CCBE1: variants seen among roughly 807,000 people sequenced by gnomAD.
CCBE1 encodes collagen and calcium binding EGF domains 1, also known as collagen and calcium-binding EGF domain-containing protein 1.
A neutral mutation model predicts 50.0 loss-of-function variants in CCBE1; 37 were observed. The ratio of observed to expected loss-of-function variants is 0.74; its 90% CI spans 0.57 to 0.97. The LOEUF is 0.97. CCBE1 is among the 50% of genes least tolerant of loss of function. The pLI is 0.00. For synonymous variants in CCBE1, 234 were observed against 203.7 expected, an observed-to-expected ratio of 1.15 and a Z score of -1.27; for missense variants, 538 against 523.8, an observed-to-expected ratio of 1.03 and a Z score of -0.26.
intron 2 of CCBE1, among the ~76,000 whole-genome samples, chr18:59,633,681 C>G (rs781442107): frequency 6.6e-6 from 1 of 151,268 alleles, no homozygotes; most frequent in Non-Finnish European, 1.5e-5. Flanking sequence ...GCCAACAGAA[C>G]GAAGCCAATC....
At chr18:59,620,475 T>C (rs1212250791) in intron 2 of CCBE1, among the ~76,000 whole-genome samples, 1 of 152,188 alleles carries the variant, frequency 6.6e-6, no homozygotes, top group Admixed American at 6.5e-5. Flanking sequence ...AGATTGTTTA[T>C]CCTAATACTA....
At chr18:59,529,563 G>A (rs1914967247) in intron 2 of CCBE1, among the ~76,000 whole-genome samples, 1 of 152,204 alleles carries the variant, frequency 6.6e-6, no homozygotes, top group Non-Finnish European at 1.5e-5. Flanking sequence ...GGGGAGGGTA[G>A]CAATGTCACT....
intron 3 of CCBE1, among the ~76,000 whole-genome samples, chr18:59,473,809 A>C (rs1912170061): frequency 1.1e-5 from 1 of 90,054 alleles, no homozygotes; most frequent in Non-Finnish European, 2.1e-5. Flanking sequence ...CAACCCTCCC[A>C]CTATTCCCCC....
chr18:59,507,176 A>G lies in CCBE1; in HGVS notation c.213-26938T>C, dbSNP rs189958233. On this transcript the variant is annotated intron_variant, in intron 2 of 10. Transcript: ENST00000439986. Reference sequence around the variant, plus strand: ...TCAACCATATCTTCTTTCCAAAACCAACATCCTCCTTGCAATTGCTCATCT... The same window carrying G: ...TCAACCATATCTTCTTTCCAAAACCGACATCCTCCTTGCAATTGCTCATCT... Among the ~76,000 whole-genome samples, 18 of 152,278 alleles carry G rather than the reference A, an allele frequency of 1.2e-4. 1 individual carries two copies. The highest frequency in any genetic ancestry group is 3.4e-3 in the Middle Eastern group (1 of 294).
At position 59,582,974 on chromosome 18, in the gene CCBE1, G is replaced by A. The variant is rs1568217974; in HGVS notation, c.213-102736C>T. 2.0e-5 allele frequency among the ~76,000 whole-genome samples: 3 copies of A among 152,136 alleles called. 1 individual carries two copies. Among genetic ancestry groups the A allele is most frequent in the Non-Finnish European group, 1.5e-5 (1 of 68,006 alleles). On this transcript the variant is annotated intron_variant, in intron 2 of 10. Coordinates refer to ENST00000439986, the MANE Select transcript of CCBE1 (RefSeq NM_133459.4). ...ACTGACCACAGGCATGTACCACCAT[G>A]CCCAACTAAATAAAAAAAATTTTCT... is the stretch of plus-strand genomic sequence containing the variant.
chr18:59,592,598 A>G (rs1017553994), intron 2 of CCBE1, among the ~76,000 whole-genome samples: 2 of 151,618 alleles, frequency 1.3e-5, no homozygotes, highest in Non-Finnish European at 2.9e-5. Context: ...TTACTATAAT[A>G]AAGGGGACAA....
intron 2 of CCBE1, among the ~76,000 whole-genome samples, chr18:59,552,108 A>G (rs558683689): frequency 1.4e-3 from 211 of 152,286 alleles, no homozygotes; most frequent in African/African-American, 4.9e-3. Context: ...GCCCTTCTCC[A>G]TGGGCCTCTC....
chr18:59,633,744 TA>T (rs1555700923), intron 2 of CCBE1, among the ~76,000 whole-genome samples: 1 of 151,582 alleles, frequency 6.6e-6, no homozygotes, highest in African/African-American at 2.4e-5. Context: ...TTTTTTTTTT[TA>T]AAATAAAACC....
chr18:59,572,652 C>T (rs1217432257), intron 2 of CCBE1, among the ~76,000 whole-genome samples: 2 of 152,134 alleles, frequency 1.3e-5, no homozygotes, highest in Non-Finnish European at 2.9e-5. Flanking sequence ...GCCTTATTCC[C>T]TTTCAAAGTT....
chr18:59,696,723 C>A lies in CCBE1; in HGVS notation c.132-14G>T, dbSNP rs374979919. ...GAGCAGATTTCTCTATGAAAAAGTG[C>A]AGAGGAAATGTTCGATTCTCAGCGG... On this transcript the variant is annotated splice_polypyrimidine_tract_variant and intron_variant, in intron 1 of 10. Coordinates refer to ENST00000439986, the MANE Select transcript of CCBE1 (RefSeq NM_133459.4). 3 of 1,613,146 alleles carry A rather than the reference C, an allele frequency of 1.9e-6. No homozygotes were observed. In the South Asian group the frequency reaches 3.3e-5, roughly 18 times the overall value.
intron 2 of CCBE1, among the ~76,000 whole-genome samples, chr18:59,682,663 G>A (rs1367176471): frequency 1.3e-5 from 2 of 152,136 alleles, no homozygotes; most frequent in African/African-American, 2.4e-5. Flanking sequence ...GCTATTAACT[G>A]AAAAAAAGCA....
Position 59,466,820 on chromosome 18 carries a change from G to A in CCBE1, c.472C>T (p.Arg158Cys), listed in dbSNP as rs121908253. 2.1e-4 allele frequency: 344 copies of A among 1,613,426 alleles called. No homozygotes were observed. The highest frequency in any genetic ancestry group is 3.1e-4 in the South Asian group (28 of 91,054). ...HICINTLGSY[R>C]CECREGYIRE... ...ATGTAGCCTTCCCGGCACTCGCAGCGGTAGCTGCCCAAGGTATTGATGCAG... is the reference window on the plus strand; with the variant it reads ...ATGTAGCCTTCCCGGCACTCGCAGCAGTAGCTGCCCAAGGTATTGATGCAG... The change falls in exon 5 of 11, where the codon CGC becomes TGC. Residue 158 changes from arginine to cysteine, a missense_variant. Physicochemically the swap from Arg to Cys is radical, Grantham distance 180 (BLOSUM62 -3). Transcript: ENST00000439986.
chr18:59,656,719 C>T (rs1327769917), intron 2 of CCBE1, among the ~76,000 whole-genome samples: 2 of 152,198 alleles, frequency 1.3e-5, no homozygotes, highest in African/African-American at 2.4e-5. Context: ...AAACACAAGA[C>T]TTATTTTGTC....
intron 2 of CCBE1, among the ~76,000 whole-genome samples, chr18:59,607,604 A>T (rs2053515822): frequency 6.6e-6 from 1 of 152,154 alleles, no homozygotes; most frequent in Non-Finnish European, 1.5e-5. Context: ...TATTCCCTTC[A>T]GCTACTCTCG....
intron 2 of CCBE1, among the ~76,000 whole-genome samples, chr18:59,642,727 A>T (rs1245163975): frequency 3.9e-5 from 6 of 152,004 alleles, no homozygotes; most frequent in Non-Finnish European, 8.8e-5. Context: ...AGGCAGGTGA[A>T]TCATGAGGTC....
intron 2 of CCBE1, among the ~76,000 whole-genome samples, chr18:59,506,844 G>T (rs148431302): frequency 1.3e-5 from 2 of 152,200 alleles, no homozygotes; most frequent in Non-Finnish European, 2.9e-5. Flanking sequence ...AAACTGGAAA[G>T]TATCAACCTA....
At chr18:59,449,785 C>A (rs1910846313) in intron 6 of CCBE1, among the ~76,000 whole-genome samples, 1 of 152,178 alleles carries the variant, frequency 6.6e-6, no homozygotes, top group East Asian at 1.9e-4. Context: ...TAAACAGAAC[C>A]TCAGGATGAG....
rs534826656 is a variant in CCBE1, at chr18:59,599,901, T to A, written c.212+96728A>T. On this transcript the variant is annotated intron_variant, in intron 2 of 10. Transcript: ENST00000439986. ...AAAATATTCCATGACTTTGGACTAA[T>A]GGTTTAAAAAAAGACATTGTCACCC... Among the ~76,000 whole-genome samples the A allele has an allele frequency of 4.6e-5, 7 of 152,228 alleles. No individual in the cohort carries two copies. In the South Asian group the frequency reaches 1.5e-3, roughly 32 times the overall value.
rs1048008 is a variant in CCBE1 at position 59,431,112 on chromosome 18, C to T, written c.*4796G>A. ...TCACTGTGAAATAAAAACAGACCCA[C>T]GGCACACATGAAATTCCTAAGGGGA... On this transcript the variant is annotated 3_prime_UTR_variant, in exon 11 of 11. Transcript: ENST00000439986. The T allele has an allele frequency of 0.82, 124,398 of 152,192 alleles. 50,948 individuals carry two copies. The highest frequency in any genetic ancestry group is 0.9 in the South Asian group (4,317 of 4,820). The allele number at this position is 152,192 out of a possible 1,614,324, so 9.4% of individuals were successfully genotyped here. A position where few individuals can be genotyped will look rare whatever the true frequency, so the allele number is the denominator to read the frequency against.
Sources: gnomAD v4.1 joint callset for allele counts (sites outside exome capture counted in the v4.1 genomes callset) on GRCh38, gnomAD v4.1.1 for gene constraint, MANE v1.5 for transcripts, NCBI Gene and HGNC (gene_info 2026-07-23, HGNC 2026-07-21) for gene names.